OR6N1: variants seen among roughly 807,000 people sequenced by gnomAD.
OR6N1 encodes the protein olfactory receptor 6N1.
For synonymous variants in OR6N1, 170 were observed against 150.7 expected (o/e 1.13, Z -0.94); for missense variants, 394 against 371.7 (o/e 1.06, Z -0.49).
At chr1:158,772,225 A>G (rs1657440180), upstream of OR6N1, 1 of 152,192 alleles carries the variant, frequency 6.6e-6, no homozygotes, top group South Asian at 2.1e-4. Flanking sequence ...CATAAAACAA[A>G]TTCTTCTCCC....
the OR6N1 span, among the ~76,000 whole-genome samples, chr1:158,832,047 A>G: frequency 6.6e-6 from 1 of 152,338 alleles, no homozygotes; most frequent in African/African-American, 2.4e-5. Flanking sequence ...CTCAAAAATA[A>G]TCTTTACATT....
At chr1:158,772,489 G>A (rs1657447756), upstream of OR6N1, among the ~76,000 whole-genome samples, 1 of 152,178 alleles carries the variant, frequency 6.6e-6, no homozygotes, top group Admixed American at 6.5e-5. Context: ...AGGTTCAAAT[G>A]GGTTCCTGTA....
the OR6N1 span, among the ~76,000 whole-genome samples, chr1:158,782,484 C>T: frequency 0.021 from 3,219 of 152,286 alleles, 117 homozygotes; most frequent in African/African-American, 0.073. Context: ...GGTTTATTGA[C>T]TCACTGCAAT....
At chr1:158,834,050 A>T in the OR6N1 span, among the ~76,000 whole-genome samples, 1 of 152,076 alleles carries the variant, frequency 6.6e-6, no homozygotes, top group African/African-American at 2.4e-5. Context: ...GTACCAAAAA[A>T]CATCATCCTA....
At position 158,766,170 on chromosome 1, in the gene OR6N1, G is replaced by A; in HGVS notation, c.513C>T (p.Pro171=). The part of the protein sequence containing the change: ...SLISRLPFCG[P]NRIQHVFCDF... ...CACAAAAGACGTGCTGAATGCGATT[G>A]GGGCCACAGAATGGGAGGCGTGAAA... Residue 171 remains proline, a synonymous_variant, in exon 2 of 2, where the codon CCC becomes CCT. Transcript: ENST00000641846. 1.9e-6 allele frequency: 3 copies of A among 1,614,184 alleles called. No homozygotes were observed. Among genetic ancestry groups the A allele is most frequent in the Non-Finnish European group, 2.5e-6 (3 of 1,180,042 alleles).
the OR6N1 span, among the ~76,000 whole-genome samples, chr1:158,830,424 A>G: frequency 6.6e-6 from 1 of 152,174 alleles, no homozygotes; most frequent in Non-Finnish European, 1.5e-5. Context: ...TCTTCTCTGT[A>G]GATGGCCTTG....
chr1:158,818,440 A>C, the OR6N1 span, among the ~76,000 whole-genome samples: 11 of 152,194 alleles, frequency 7.2e-5, no homozygotes, highest in Non-Finnish European at 1.0e-4. Context: ...AAGGGTTAGA[A>C]ATCCCCCTAT....
the OR6N1 span, among the ~76,000 whole-genome samples, chr1:158,823,754 G>A: frequency 3.3e-5 from 5 of 151,546 alleles, no homozygotes; most frequent in Middle Eastern, 6.8e-3. Flanking sequence ...TTCTACTAGC[G>A]TTCAGTTTGG....
At chr1:158,829,126 C>T in the OR6N1 span, among the ~76,000 whole-genome samples, 1 of 152,222 alleles carries the variant, frequency 6.6e-6, no homozygotes, top group African/African-American at 2.4e-5. Flanking sequence ...GGCTGCTATA[C>T]ACGTCCCTGA....
At chr1:158,786,886 T>A in the OR6N1 span, among the ~76,000 whole-genome samples, 1 of 152,098 alleles carries the variant, frequency 6.6e-6, no homozygotes, top group Non-Finnish European at 1.5e-5. Flanking sequence ...ACATATTGGG[T>A]ATGGTGCACA....
At chr1:158,832,254 T>C in the OR6N1 span, among the ~76,000 whole-genome samples, 1 of 152,054 alleles carries the variant, frequency 6.6e-6, no homozygotes, top group South Asian at 2.1e-4. Context: ...TTTGTACATA[T>C]GAATGTTTTC....
chr1:158,813,188 T>C, the OR6N1 span, among the ~76,000 whole-genome samples: 1 of 152,212 alleles, frequency 6.6e-6, no homozygotes, highest in Non-Finnish European at 1.5e-5. Context: ...ATAGCATACA[T>C]TGGGTGAAAA....
At chr1:158,787,687 G>A in the OR6N1 span, among the ~76,000 whole-genome samples, 383 of 126,778 alleles carry the variant, frequency 3.0e-3, no homozygotes, top group African/African-American at 0.011. Flanking sequence ...AAATACACAC[G>A]AACATTTTAT....
In OR6N1 at chr1:158,765,705, T is replaced by C. The variant is rs1410362878; in HGVS notation, c.*39A>G. 4 of 1,525,336 alleles carry C rather than the reference T, an allele frequency of 2.6e-6. No homozygotes were observed. Among genetic ancestry groups the C allele is most frequent in the Admixed American group, 3.5e-5 (2 of 56,598 alleles). The allele number at this position is 1,525,336 out of a possible 1,614,324, so 94.5% of individuals were successfully genotyped here. ...CCACTGTTGATCCCTGGGGCCACCATATCCTCAGGCCCGGCCTTGGCCTAC... is the reference window on the plus strand; with the variant it reads ...CCACTGTTGATCCCTGGGGCCACCACATCCTCAGGCCCGGCCTTGGCCTAC... On this transcript the variant is annotated 3_prime_UTR_variant, in exon 2 of 2. Coordinates refer to ENST00000641846, the MANE Select transcript of OR6N1 (RefSeq NM_001005185.2).
chr1:158,776,045 A>C (rs958145756), upstream of OR6N1: 2 of 151,716 alleles, frequency 1.3e-5, no homozygotes, highest in African/African-American at 4.9e-5. Context: ...AATCCATAAG[A>C]ATAACTCCGA....
At chr1:158,822,500 C>A in the OR6N1 span, among the ~76,000 whole-genome samples, 4 of 151,988 alleles carry the variant, frequency 2.6e-5, no homozygotes, top group Non-Finnish European at 5.9e-5. Context: ...TTGGCTCTCA[C>A]CTTGGTTGTT....
At chr1:158,799,274 T>C in the OR6N1 span, among the ~76,000 whole-genome samples, 1 of 152,234 alleles carries the variant, frequency 6.6e-6, no homozygotes, top group Non-Finnish European at 1.5e-5. Context: ...ATGACGAACG[T>C]ACCCATAAAA....
At chr1:158,815,208 G>A in the OR6N1 span, among the ~76,000 whole-genome samples, 1 of 152,188 alleles carries the variant, frequency 6.6e-6, no homozygotes, top group East Asian at 1.9e-4. Flanking sequence ...TAATCCTTAG[G>A]AGTCCCTTCA....
chr1:158,779,981 G>A, the OR6N1 span, among the ~76,000 whole-genome samples: 1 of 152,136 alleles, frequency 6.6e-6, no homozygotes, highest in Non-Finnish European at 1.5e-5. Flanking sequence ...GGAACAGTAG[G>A]CATAGAATTG....
Sources: gnomAD v4.1 joint callset for allele counts (sites outside exome capture counted in the v4.1 genomes callset) on GRCh38, gnomAD v4.1.1 for gene constraint, MANE v1.5 for transcripts, NCBI Gene and HGNC (gene_info 2026-07-23, HGNC 2026-07-21) for gene names.